Variants in PIK3C2B observed in about 807,000 individuals in gnomAD.
PIK3C2B encodes phosphatidylinositol-4-phosphate 3-kinase catalytic subunit type 2 beta, also known as phosphatidylinositol 4-phosphate 3-kinase C2 domain-containing subunit beta.
PIK3C2B carries 83 observed loss-of-function variants against 184.3 expected under a neutral mutation model. That is an observed-to-expected ratio of 0.45 (90% CI 0.38 to 0.54). The LOEUF (loss-of-function observed/expected upper bound fraction) is 0.54. Ranked by LOEUF, PIK3C2B falls within the 20% of genes least tolerant of loss-of-function variation. The pLI is 0.00. For synonymous variants in PIK3C2B, 779 were observed against 837.6 expected (o/e 0.93, Z 1.21); for missense variants, 1,736 against 2,113.5 (o/e 0.82, Z 3.50).
chr1:204,430,017 G>C lies in PIK3C2B; in HGVS notation c.4302C>G (p.Ile1434Met). The C allele has an allele frequency of 1.2e-6, 2 of 1,609,654 alleles. No individual in the cohort carries two copies. Among genetic ancestry groups the C allele is most frequent in the Non-Finnish European group, 1.7e-6 (2 of 1,179,616 alleles). Reference sequence around the variant, plus strand: ...CCACCGCCTCTCCCCGGGAGCGGCCGATCACGAAGCGACTAGGGAAGCTGG... The same window carrying C: ...CCACCGCCTCTCCCCGGGAGCGGCCCATCACGAAGCGACTAGGGAAGCTGG... Reference protein sequence around the residue: ...HLPSFPSRFVIGRSRGEAVAE... With the variant: ...HLPSFPSRFVMGRSRGEAVAE... The change falls in exon 29 of 33, where the codon ATC becomes ATG. Residue 1434 changes from isoleucine to methionine, a missense_variant. Coordinates refer to ENST00000684373, the MANE Select transcript of PIK3C2B (RefSeq NM_001377334.1).
intron 1 of PIK3C2B, among the ~76,000 whole-genome samples, chr1:204,487,472 A>T (rs1200304692): frequency 1.3e-5 from 2 of 152,200 alleles, no homozygotes; most frequent in Non-Finnish European, 2.9e-5. Context: ...CACGAAGTAC[A>T]TGCTCCAGTA....
intron 5 of PIK3C2B, 85 bp from the exon 6 acceptor site, chr1:204,460,746 T>C (rs1021518317): frequency 1.5e-5 from 13 of 869,318 alleles, no homozygotes; most frequent in African/African-American, 8.2e-5. Context: ...GGGAGAGACA[T>C]ACAGAAAGAA....
intron 1 of PIK3C2B, among the ~76,000 whole-genome samples, chr1:204,477,763 C>G (rs2103526234): frequency 6.6e-6 from 1 of 152,292 alleles, no homozygotes; most frequent in African/African-American, 2.4e-5. Context: ...TCCCCATACC[C>G]TGAGCCACAG....
chr1:204,466,894 C>T (rs369575149), intron 2 of PIK3C2B: 9 of 533,100 alleles, frequency 1.7e-5, no homozygotes, highest in East Asian at 5.5e-5. Context: ...GAGCTGGCTC[C>T]GCTGGCCTGG....
Position 204,460,326 on chromosome 1 carries a change from G to T in PIK3C2B, c.1500C>A (p.Ser500Arg). ...TCCAAGATGGTGCCCACACTCACCT[G>T]CTGATGGTCTGCTTGACAGGCCTCT... ...LQERPVKQTI[S>R]RQALSLLFDT... The change falls in exon 7 of 33, where the codon AGC (serine) becomes AGA (arginine). Residue 500 changes from serine to arginine, a missense_variant and splice_region_variant. Coordinates refer to ENST00000684373, the MANE Select transcript of PIK3C2B (RefSeq NM_001377334.1). 1 of 1,612,034 alleles carries T rather than the reference G, an allele frequency of 6.2e-7. No individual in the cohort carries two copies. The highest frequency in any genetic ancestry group is 8.5e-7 in the Non-Finnish European group (1 of 1,178,162).
At chr1:204,489,747 G>T (rs1046516222) in intron 1 of PIK3C2B, 1 of 394,670 alleles carries the variant, frequency 2.5e-6, no homozygotes, top group Non-Finnish European at 4.5e-6. Context: ...GTCAATAGTT[G>T]AAGGGCTCCA....
chr1:204,460,856 A>T (rs916100410), intron 5 of PIK3C2B, among the ~76,000 whole-genome samples, 195 bp from the exon 6 acceptor site: 1 of 152,182 alleles, frequency 6.6e-6, no homozygotes, highest in Admixed American at 6.5e-5. Context: ...TATCTAAACA[A>T]AAGCCACCTA....
Position 204,469,375 on chromosome 1 carries a change from C to T in PIK3C2B, c.428G>A (p.Gly143Glu). ...GSDGGVSSSPGPGDIEGSCKK... is the reference protein window; with the variant it reads ...GSDGGVSSSPEPGDIEGSCKK... ...GCAAGAGCCCTCTATGTCCCCTGGT[C>T]CTGGGGACGAAGAGACTCCCCCATC... The change falls in exon 2 of 33, where the codon GGA becomes GAA. Residue 143 changes from glycine (G) to glutamate (E), a missense_variant. Gly to Glu is a moderately conservative substitution (Grantham distance 98). Around this residue, in one of 8 missense-constraint regions of PIK3C2B, gnomAD observed 404 missense variants for 418.0 expected, o/e 0.97. Transcript: ENST00000684373. The T allele has an allele frequency of 6.5e-7, 1 of 1,531,394 alleles. No individual in the cohort carries two copies. Among genetic ancestry groups the T allele is most frequent in the Non-Finnish European group, 8.7e-7 (1 of 1,143,030 alleles). 94.9% of individuals were successfully genotyped at this position (1,531,394 alleles called of 1,614,324 possible).
chr1:204,456,028 C>A lies in PIK3C2B; in HGVS notation c.1771G>T (p.Ala591Ser), dbSNP rs190353079. 1.2e-6 allele frequency: 2 copies of A among 1,613,342 alleles called. No homozygotes were observed. The highest frequency in any genetic ancestry group is 1.7e-5 in the Admixed American group (1 of 59,944). ...NREKVVEALT[A>S]AILDLVELYC... The stretch of plus-strand genomic sequence containing the variant: ...AGCTCCACCAGGTCCAAGATGGCAG[C>A]GGTCAGGGCTTCCACGACCTTCTCT... Residue 591 changes from alanine to serine, a missense_variant, in exon 11 of 33, where the codon GCT (alanine) becomes TCT (serine). Ala to Ser is a moderately conservative substitution (Grantham distance 99). Coordinates refer to ENST00000684373, the MANE Select transcript of PIK3C2B (RefSeq NM_001377334.1).
In PIK3C2B at chr1:204,467,833, C is replaced by CAAAAAAAAAAAAAAA. The variant is rs545904416; in HGVS notation, c.933+1022_933+1036dup. 1.2e-4 allele frequency among the ~76,000 whole-genome samples: 11 copies of CAAAAAAAAAAAAAAA among 88,562 alleles called. 5 individuals are homozygous for CAAAAAAAAAAAAAAA. The highest frequency in any genetic ancestry group is 1.1e-4 in the Non-Finnish European group (5 of 44,536). 58.1% of individuals were successfully genotyped at this position (88,562 alleles called of 152,430 possible). A position where few individuals can be genotyped will look rare whatever the true frequency, so the allele number is the denominator to read the frequency against. ...CTGGTGACAGAGTGAGACTCTGTCTCAAAAAAAAAAAAAAAAAGAAGGCAT... is the reference window on the plus strand; with the variant it reads ...CTGGTGACAGAGTGAGACTCTGTCTCAAAAAAAAAAAAAAAAAAAAAAAAAAAAAAAAGAAGGCAT... On this transcript the variant is annotated intron_variant, in intron 2 of 32. Transcript: ENST00000684373.
At position 204,432,381 on chromosome 1, in the gene PIK3C2B, C is replaced by G. The variant is rs1675109858; in HGVS notation, c.3974G>C (p.Gly1325Ala). ...YFTRLIESSL[G>A]SVATKLNFFI... is the part of the protein sequence containing the mutation. ...AAAATTGAGCTTTGTGGCTACACTG[C>G]CCAGGCTGGACTCAATCAACCTGGC... The change falls in exon 27 of 33, where the codon GGC (glycine) becomes GCC (alanine). Residue 1325 changes from glycine to alanine, a missense_variant. Physicochemically the swap from Gly to Ala is moderately conservative, Grantham distance 60. This residue lies in a region of PIK3C2B where 119 missense variants were observed against 179.3 expected (regional missense o/e 0.66). Coordinates refer to ENST00000684373, the MANE Select transcript of PIK3C2B (RefSeq NM_001377334.1). 2 of 1,613,886 alleles carry G rather than the reference C, an allele frequency of 1.2e-6. No individual in the cohort carries two copies. Among genetic ancestry groups the G allele is most frequent in the African/African-American group, 2.7e-5 (2 of 74,870 alleles).
chr1:204,469,586 C>T lies in PIK3C2B; in HGVS notation c.217G>A (p.Gly73Arg). 1.9e-6 allele frequency: 3 copies of T among 1,596,798 alleles called. No homozygotes were observed. Among genetic ancestry groups the T allele is most frequent in the Non-Finnish European group, 1.7e-6 (2 of 1,170,200 alleles). Residue 73 changes from glycine to arginine, a missense_variant, in exon 2 of 33, where the codon GGA becomes AGA. Gly to Arg is a moderately radical substitution (Grantham distance 125). Coordinates refer to ENST00000684373, the MANE Select transcript of PIK3C2B (RefSeq NM_001377334.1). The stretch of plus-strand genomic sequence containing the variant: ...AACAGCTTGAGGTCGGTCCGCCTTC[C>T]TGCTGGCTTGCTGTAAAAGTCTACC... Reference protein sequence around the residue: ...PGVDFYSKPAGRRTDLKLLRG... With the variant: ...PGVDFYSKPARRRTDLKLLRG...
At chr1:204,481,790 G>GC (rs553361418) in intron 1 of PIK3C2B, among the ~76,000 whole-genome samples, 53 of 152,244 alleles carry the variant, frequency 3.5e-4, no homozygotes, top group African/African-American at 1.2e-3. Context: ...CTTCTGGCAG[G>GC]CCCCCCAGGG....
chr1:204,434,618 G>A lies in PIK3C2B; in HGVS notation c.3517-10C>T. The A allele has an allele frequency of 1.2e-6, 2 of 1,605,898 alleles. No individual in the cohort carries two copies. The highest frequency in any genetic ancestry group is 1.7e-6 in the Non-Finnish European group (2 of 1,173,604). On this transcript the variant is annotated splice_polypyrimidine_tract_variant and intron_variant, in intron 23 of 32. Transcript: ENST00000684373. ...TAAAGTTCTCCACAGCCTGGGAGGGGTCAAGGCAGATGGGAGGAGAGGACA... is the reference window on the plus strand; with the variant it reads ...TAAAGTTCTCCACAGCCTGGGAGGGATCAAGGCAGATGGGAGGAGAGGACA...
rs1654217611 is a variant in PIK3C2B, at chr1:204,450,002, C to T, written c.2082G>A (p.Val694=). The T allele has an allele frequency of 4.5e-6, 7 of 1,572,194 alleles. No individual in the cohort carries two copies. Among genetic ancestry groups the T allele is most frequent in the Non-Finnish European group, 6.0e-6 (7 of 1,158,066 alleles). The change falls in exon 13 of 33, where the codon GTG becomes GTA. Residue 694 remains valine, a synonymous_variant. Transcript: ENST00000684373. The stretch of plus-strand genomic sequence containing the variant: ...TCTCCCGAGGCAGCCGGTTCACCTG[C>T]ACTGGGAAGCAGATCCTATGGAGGA... ...IVWDQQICFP[V]QVNRLPRETL... is the part of the protein sequence containing the mutation.
At chr1:204,427,837 T>A in intron 30 of PIK3C2B, 83 bp from the exon 31 acceptor site, 1 of 926,674 alleles carries the variant, frequency 1.1e-6, no homozygotes, top group Non-Finnish European at 1.7e-6. Context: ...TGCCCCAGCC[T>A]CTCCATGTCA....
At chr1:204,442,851 G>GATGGC (rs1401693050) in intron 19 of PIK3C2B, among the ~76,000 whole-genome samples, 1 of 152,260 alleles carries the variant, frequency 6.6e-6, no homozygotes, top group Non-Finnish European at 1.5e-5. Context: ...GAGGGGAGCA[G>GATGGC]ATGGCAGAAC....
In PIK3C2B at chr1:204,423,076, T is replaced by A. The variant is rs1009457142; in HGVS notation, c.*1776A>T. The A allele has an allele frequency of 1.3e-5, 2 of 152,172 alleles. No homozygotes were observed. The highest frequency in any genetic ancestry group is 4.8e-5 in the African/African-American group (2 of 41,434). The allele number at this position is 152,172 out of a possible 1,614,324, so 9.4% of individuals were successfully genotyped here. Reference sequence around the variant, plus strand: ...ATCCAGCCAATTCTGGTTTTAAAGATTCATATCAAATTCAAAGTCCCTCCC... The same window carrying A: ...ATCCAGCCAATTCTGGTTTTAAAGAATCATATCAAATTCAAAGTCCCTCCC... On this transcript the variant is annotated 3_prime_UTR_variant, in exon 33 of 33. Transcript: ENST00000684373.
At position 204,433,519 on chromosome 1, in the gene PIK3C2B, C is replaced by A; in HGVS notation, c.3844-94G>T. ...TTAGGCAAGGTTTTCTACAGCTAGG[C>A]TCCCTAACCCTTCTAGAGGGTGGTA... is the stretch of plus-strand genomic sequence containing the variant. On this transcript the variant is annotated intron_variant, in intron 25 of 32. Transcript: ENST00000684373. The surrounding 1 kb of genome is among the most constrained non-coding windows in gnomAD (Gnocchi z 5.0). 1 of 830,834 alleles carries A rather than the reference C, an allele frequency of 1.2e-6. No homozygotes were observed. Among genetic ancestry groups the A allele is most frequent in the Non-Finnish European group, 2.0e-6 (1 of 500,302 alleles). 51.5% of individuals were successfully genotyped at this position (830,834 alleles called of 1,614,324 possible).
Sources: gnomAD v4.1 joint callset for allele counts (sites outside exome capture counted in the v4.1 genomes callset) on GRCh38, gnomAD v4.1.1 for gene constraint, gnomAD v4.1.1 regional missense constraint, Gnocchi (gnomAD v3.1) non-coding constraint, MANE v1.5 for transcripts, NCBI Gene and HGNC (gene_info 2026-07-23, HGNC 2026-07-21) for gene names.